The following ATP11A variants were observed in gnomAD, a reference collection of about 807,000 sequenced individuals.
The protein encoded by ATP11A is phospholipid-transporting ATPase IH.
Under a neutral mutation model 154.4 loss-of-function variants are expected in ATP11A, and 81 were observed. That is an observed-to-expected ratio of 0.52 (90% CI 0.44 to 0.63). ATP11A has a LOEUF of 0.63. Among genes scored for constraint, ATP11A ranks in the 30% least tolerant of loss-of-function variants. The pLI is 0.00. For missense variants in ATP11A, 1,316 were observed against 1,474.3 expected (o/e 0.89, Z 1.76); for synonymous variants, 623 against 585.9 (o/e 1.06, Z -0.91).
At chr13:112,703,783 T>TA (rs1411244069) in intron 1 of ATP11A, among the ~76,000 whole-genome samples, 10 of 152,282 alleles carry the variant, frequency 6.6e-5, no homozygotes, top group Non-Finnish European at 1.0e-4. Context: ...TGGTTGGTAT[T>TA]AAAACAATGC....
chr13:112,715,114 C>T (rs1051902289), intron 1 of ATP11A, among the ~76,000 whole-genome samples: 1 of 152,192 alleles, frequency 6.6e-6, no homozygotes, highest in Non-Finnish European at 1.5e-5. Flanking sequence ...CGTTCCTTTG[C>T]ATGGATATAC....
intron 29 of ATP11A, 173 bp from the exon 30 acceptor site, chr13:112,881,703 A>G (rs1250940471): frequency 1.6e-6 from 2 of 1,285,598 alleles, no homozygotes; most frequent in Admixed American, 2.2e-5. Flanking sequence ...AGTTGAGTCT[A>G]GCAGTTCCTG....
At chr13:112,815,293 C>T (rs1474243350) in intron 5 of ATP11A, among the ~76,000 whole-genome samples, 2 of 152,052 alleles carry the variant, frequency 1.3e-5, no homozygotes, top group Non-Finnish European at 2.9e-5. Context: ...ATACCTTCCA[C>T]ACCCTTCAGA....
chr13:112,762,399 C>T, intron 1 of ATP11A, among the ~76,000 whole-genome samples: 1 of 152,162 alleles, frequency 6.6e-6, no homozygotes, highest in Non-Finnish European at 1.5e-5. Flanking sequence ...GGAAAGACAG[C>T]AGCAGCCTGC....
At chr13:112,789,836 A>C (rs1177799646) in intron 2 of ATP11A, among the ~76,000 whole-genome samples, 3 of 129,402 alleles carry the variant, frequency 2.3e-5, no homozygotes, top group Non-Finnish European at 4.9e-5. Flanking sequence ...CCTGACGTGT[A>C]GTAGACCCCT....
intron 25 of ATP11A, among the ~76,000 whole-genome samples, chr13:112,864,396 T>C (rs1444414928): frequency 1.0e-4 from 8 of 76,278 alleles, no homozygotes; most frequent in Admixed American, 1.7e-4. Flanking sequence ...TAATTCAGCG[T>C]AGCGCGTGCA....
At chr13:112,703,634 G>A (rs1204897207) in intron 1 of ATP11A, among the ~76,000 whole-genome samples, 1 of 152,182 alleles carries the variant, frequency 6.6e-6, no homozygotes, top group Non-Finnish European at 1.5e-5. Flanking sequence ...TTAAGTTGTG[G>A]AACAAAGTTA....
chr13:112,774,077 G>T (rs953856846), intron 1 of ATP11A, among the ~76,000 whole-genome samples: 1 of 152,240 alleles, frequency 6.6e-6, no homozygotes, highest in African/African-American at 2.4e-5. Context: ...CCTGTGTCTG[G>T]CGGAGAGAGA....
Position 112,754,917 on chromosome 13 carries a change from C to T in ATP11A, c.40-30218C>T, listed in dbSNP as rs935661770. On this transcript the variant is annotated intron_variant, in intron 1 of 29. Transcript: ENST00000375645. The surrounding 1 kb of genome is among the most constrained non-coding windows in gnomAD (Gnocchi z 5.3). ...CCCTCCTAGACACCCTGCACTTGCC[C>T]CTCCCGAGCGCGTGTGCCTGACCTG... Among the ~76,000 whole-genome samples, 10 of 152,238 alleles carry T rather than the reference C, an allele frequency of 6.6e-5. No individual in the cohort carries two copies. The highest frequency in any genetic ancestry group is 6.2e-4 in the South Asian group (3 of 4,834).
At chr13:112,781,065 G>C (rs571402590) in intron 1 of ATP11A, among the ~76,000 whole-genome samples, 104 of 152,230 alleles carry the variant, frequency 6.8e-4, no homozygotes, top group African/African-American at 2.4e-3. Flanking sequence ...GTTTGAGACG[G>C]AGCCTCGGTC....
chr13:112,861,303 A>G (rs796965342), intron 24 of ATP11A, among the ~76,000 whole-genome samples: 13 of 152,300 alleles, frequency 8.5e-5, no homozygotes, highest in African/African-American at 3.1e-4. Context: ...TCATAAATTA[A>G]AATTTTATTT....
chr13:112,828,788 C>G (rs1371942183), intron 12 of ATP11A, among the ~76,000 whole-genome samples: 1 of 152,232 alleles, frequency 6.6e-6, no homozygotes, highest in Non-Finnish European at 1.5e-5. Context: ...GGGGGACACA[C>G]TGAGGTCAAG....
rs2078946148 is a variant in ATP11A at position 112,826,804 on chromosome 13, C to T, written c.1134C>T (p.Phe378=). ...TGCAGAAGTTCCTCGGCTCTTACTT[C>T]ATCACCTGGGACGAAGACATGTTTG... is the stretch of plus-strand genomic sequence containing the variant. ...VEMQKFLGSY[F]ITWDEDMFDE... The change falls in exon 12 of 30, where the codon TTC becomes TTT. Residue 378 remains phenylalanine (F), a synonymous_variant. Coordinates refer to ENST00000375645, the MANE Select transcript of ATP11A (RefSeq NM_015205.3). The T allele has an allele frequency of 2.5e-6, 4 of 1,614,200 alleles. No homozygotes were observed. The East Asian group carries it at 6.7e-5, about 27-fold the overall frequency.
At chr13:112,780,013 T>C (rs759953330) in intron 1 of ATP11A, among the ~76,000 whole-genome samples, 7 of 152,058 alleles carry the variant, frequency 4.6e-5, no homozygotes, top group Non-Finnish European at 1.0e-4. Flanking sequence ...CAGAGCAAGT[T>C]TGATGGTGGT....
chr13:112,718,461 G>A (rs933857827), intron 1 of ATP11A, among the ~76,000 whole-genome samples: 3 of 152,108 alleles, frequency 2.0e-5, no homozygotes, highest in African/African-American at 4.8e-5. Flanking sequence ...GCCGCCTGCC[G>A]CAAGTTTCAT....
chr13:112,825,530 G>A lies in ATP11A; in HGVS notation c.973G>A (p.Asp325Asn), dbSNP rs763212542. The A allele has an allele frequency of 1.4e-5, 22 of 1,613,824 alleles. No homozygotes were observed. The highest frequency in any genetic ancestry group is 1.8e-5 in the Non-Finnish European group (21 of 1,179,884). ...CATGTGGCAGAGTGAGCCCTTTCGG[G>A]ATGAGCCGTGGTATAATCAGAAAAC... ...KYMWQSEPFR[D>N]EPWYNQKTES... Residue 325 changes from aspartate (D) to asparagine (N), a missense_variant, in exon 11 of 30, where the codon GAT becomes AAT. This residue lies in a region of ATP11A where 876 missense variants were observed against 1,006.8 expected (regional missense o/e 0.87). Transcript: ENST00000375645.
intron 1 of ATP11A, among the ~76,000 whole-genome samples, chr13:112,740,167 T>TATATATATAG (rs1566409049): frequency 4.0e-5 from 6 of 149,438 alleles, no homozygotes; most frequent in African/African-American, 1.5e-4. Flanking sequence ...TATATATATA[T>TATATATATAG]ATAGATATCT....
At chr13:112,806,363 G>A (rs1025495964) in intron 4 of ATP11A, 70 bp downstream of exon 4, 15 of 1,247,380 alleles carry the variant, frequency 1.2e-5, no homozygotes, top group South Asian at 6.3e-5. Flanking sequence ...CATTCAAAGC[G>A]AGGTGATTGG....
At chr13:112,766,549 C>T (rs149883344) in intron 1 of ATP11A, among the ~76,000 whole-genome samples, 152 of 152,222 alleles carry the variant, frequency 1.0e-3, no homozygotes, top group African/African-American at 3.5e-3. Flanking sequence ...GTGACTGGCC[C>T]GGCAGTGTCT....
Sources: gnomAD v4.1 joint callset for allele counts (sites outside exome capture counted in the v4.1 genomes callset) on GRCh38, gnomAD v4.1.1 for gene constraint, gnomAD v4.1.1 regional missense constraint, Gnocchi (gnomAD v3.1) non-coding constraint, MANE v1.5 for transcripts, NCBI Gene and HGNC (gene_info 2026-07-23, HGNC 2026-07-21) for gene names.